The following GALNTL6 variants were observed in gnomAD, a reference collection of about 807,000 sequenced individuals.
GALNTL6 encodes polypeptide N-acetylgalactosaminyltransferase-like 6.
GALNTL6 carries 46 observed loss-of-function variants against 73.7 expected under a neutral mutation model. That is an observed-to-expected ratio of 0.62 (90% CI 0.49 to 0.80). GALNTL6 has a LOEUF of 0.80. GALNTL6 is among the 30% of genes least tolerant of loss of function. The pLI, the probability that GALNTL6 is intolerant of heterozygous loss-of-function variation, is 0.00. For synonymous variants in GALNTL6, 259 were observed against 263.7 expected (o/e 0.98, Z 0.17); for missense variants, 604 against 755.0 (o/e 0.80, Z 2.34).
intron 2 of GALNTL6, among the ~76,000 whole-genome samples, chr4:172,182,353 A>T (rs1461415607): frequency 1.3e-5 from 2 of 152,190 alleles, no homozygotes; most frequent in African/African-American, 4.8e-5. Flanking sequence ...GGAGGGTTTT[A>T]GAAACTATGA....
intron 5 of GALNTL6, among the ~76,000 whole-genome samples, chr4:172,589,740 TTCAG>T (rs1737560093): frequency 6.6e-6 from 1 of 152,244 alleles, no homozygotes; most frequent in African/African-American, 2.4e-5. Context: ...CTAAATATTT[TTCAG>T]TCACTTTAAA....
At chr4:172,056,182 A>G (rs1162473528) in intron 2 of GALNTL6, among the ~76,000 whole-genome samples, 2 of 152,160 alleles carry the variant, frequency 1.3e-5, no homozygotes, top group Non-Finnish European at 2.9e-5. Flanking sequence ...ATTTTATCAC[A>G]TAATATTTAT....
intron 2 of GALNTL6, among the ~76,000 whole-genome samples, chr4:172,164,654 A>T (rs1734570251): frequency 6.6e-6 from 1 of 152,012 alleles, no homozygotes; most frequent in Non-Finnish European, 1.5e-5. Flanking sequence ...TGCAAAATAG[A>T]TGAGCTAGGT....
At chr4:172,825,660 G>T (rs757335316) in intron 7 of GALNTL6, among the ~76,000 whole-genome samples, 1 of 151,982 alleles carries the variant, frequency 6.6e-6, no homozygotes, top group Non-Finnish European at 1.5e-5. Flanking sequence ...CAAAGTGGTG[G>T]ATAAGGTAAA....
In GALNTL6 at chr4:172,531,559, A is replaced by G. The variant is rs115968873; in HGVS notation, c.553+182870A>G. On this transcript the variant is annotated intron_variant, in intron 5 of 12. Transcript: ENST00000506823. ...CTCTTCCCACAGTTCACCACTGGAA[A>G]CCACTACACATGGACAACCCTCAAA... 2.6e-3 allele frequency among the ~76,000 whole-genome samples: 400 copies of G among 152,316 alleles called. 3 individuals are homozygous for G. Among genetic ancestry groups the G allele is most frequent in the African/African-American group, 8.7e-3 (363 of 41,564 alleles).
At chr4:172,569,471 A>C (rs1736682503) in intron 5 of GALNTL6, among the ~76,000 whole-genome samples, 1 of 152,242 alleles carries the variant, frequency 6.6e-6, no homozygotes, top group East Asian at 1.9e-4. Flanking sequence ...TTAAAAATGT[A>C]TTAATTGCAA....
chr4:171,901,270 A>G lies in GALNTL6; in HGVS notation c.138+86552A>G, dbSNP rs1416876182. On this transcript the variant is annotated intron_variant, in intron 2 of 12. Transcript: ENST00000506823. ...TCTTGGTGACAAGAGACTATAGAGT[A>G]CAACAACAGAGGGGGTAAGAAAATG... is the stretch of plus-strand genomic sequence containing the variant. Among the ~76,000 whole-genome samples the G allele has an allele frequency of 3.3e-5, 5 of 152,206 alleles. No individual in the cohort carries two copies. In the East Asian group the frequency reaches 9.6e-4, roughly 29 times the overall value.
chr4:172,768,063 CTCTT>C (rs879337616), intron 5 of GALNTL6, among the ~76,000 whole-genome samples: 8 of 152,172 alleles, frequency 5.3e-5, no homozygotes, highest in African/African-American at 1.4e-4. Context: ...GCATTTTTCT[CTCTT>C]TCTTTCTGAG....
At chr4:172,552,306 A>C (rs1735982967) in intron 5 of GALNTL6, among the ~76,000 whole-genome samples, 1 of 152,160 alleles carries the variant, frequency 6.6e-6, no homozygotes, top group African/African-American at 2.4e-5. Context: ...TTTTGCATCT[A>C]AAATTATGTT....
chr4:172,985,526 G>C (rs939217021), intron 10 of GALNTL6, among the ~76,000 whole-genome samples: 1 of 152,102 alleles, frequency 6.6e-6, no homozygotes, highest in Admixed American at 6.5e-5. Context: ...TTGCAATAAA[G>C]AGTTTAATAC....
chr4:172,074,033 G>GA (rs1731631704), intron 2 of GALNTL6, among the ~76,000 whole-genome samples: 1 of 152,158 alleles, frequency 6.6e-6, no homozygotes, highest in Non-Finnish European at 1.5e-5. Flanking sequence ...CTCACCTGTA[G>GA]AACTAGCAGA....
At chr4:172,020,936 T>C (rs1317201081) in intron 2 of GALNTL6, among the ~76,000 whole-genome samples, 1 of 151,900 alleles carries the variant, frequency 6.6e-6, no homozygotes, top group Non-Finnish European at 1.5e-5. Flanking sequence ...CAACAACACA[T>C]TGAAAAAGAT....
chr4:172,829,009 C>G (rs1425749765), intron 7 of GALNTL6, among the ~76,000 whole-genome samples: 2 of 152,196 alleles, frequency 1.3e-5, no homozygotes, highest in Non-Finnish European at 2.9e-5. Flanking sequence ...CTGTTCCAAG[C>G]CTCTCTTAGC....
chr4:172,544,821 C>A (rs1365091839), intron 5 of GALNTL6, among the ~76,000 whole-genome samples: 2 of 152,152 alleles, frequency 1.3e-5, no homozygotes, highest in Non-Finnish European at 2.9e-5. Context: ...GAAATAAAAT[C>A]TCAATTGCAT....
chr4:172,300,438 G>T (rs1213551263), intron 3 of GALNTL6, among the ~76,000 whole-genome samples: 1 of 152,102 alleles, frequency 6.6e-6, no homozygotes, highest in Non-Finnish European at 1.5e-5. Context: ...TATTTTGCTC[G>T]TTAGTTGATG....
At chr4:171,901,853 A>G (rs1423271890) in intron 2 of GALNTL6, among the ~76,000 whole-genome samples, 1 of 152,168 alleles carries the variant, frequency 6.6e-6, no homozygotes, top group Non-Finnish European at 1.5e-5. Context: ...TCTCACACAA[A>G]GTTGATAATA....
chr4:172,491,050 T>A, intron 5 of GALNTL6, among the ~76,000 whole-genome samples: 1 of 151,348 alleles, frequency 6.6e-6, no homozygotes, highest in Admixed American at 6.6e-5. Context: ...AAAAAAAAAC[T>A]GCCTTGGGAA....
chr4:171,986,514 AG>A (rs1740092940), intron 2 of GALNTL6, among the ~76,000 whole-genome samples: 1 of 152,056 alleles, frequency 6.6e-6, no homozygotes, highest in Non-Finnish European at 1.5e-5. Context: ...ATAGTGGTAA[AG>A]TGTTGGGATG....
intron 2 of GALNTL6, among the ~76,000 whole-genome samples, chr4:171,950,700 G>A (rs149370043): frequency 0.02 from 2,977 of 151,932 alleles, 99 homozygotes; most frequent in African/African-American, 0.068. Flanking sequence ...GGCTGGTCTC[G>A]ATCCCCTGAC....
Sources: allele counts gnomAD v4.1 joint callset (sites outside exome capture counted in the v4.1 genomes callset), GRCh38; gene constraint gnomAD v4.1.1; transcripts MANE v1.5; gene names NCBI Gene and HGNC (gene_info 2026-07-23, HGNC 2026-07-21).